The following ATG7 variants were observed in gnomAD, a reference collection of about 807,000 sequenced individuals.
The protein encoded by ATG7 is ubiquitin-like modifier-activating enzyme ATG7.
A neutral mutation model predicts 82.4 loss-of-function variants in ATG7; 70 were observed. The observed-to-expected ratio is 0.85, with a 90% CI of 0.70 to 1.04. The LOEUF is 1.04. ATG7 is among the 50% of genes least tolerant of loss of function. ATG7 has a pLI of 0.00. For synonymous variants in ATG7, 287 were observed against 313.0 expected (o/e 0.92, Z 0.88); for missense variants, 792 against 864.3 (o/e 0.92, Z 1.05).
At chr3:11,515,206 AAGGGAC>A (rs2092231114) in intron 20 of ATG7, among the ~76,000 whole-genome samples, 1 of 152,194 alleles carries the variant, frequency 6.6e-6, no homozygotes, top group Non-Finnish European at 1.5e-5. Context: ...AATTCAAGAA[AAGGGAC>A]ACTATAACAC....
the ATG7 span, among the ~76,000 whole-genome samples, chr3:11,573,365 AAG>A: frequency 1.4e-5 from 2 of 139,456 alleles, no homozygotes; most frequent in South Asian, 2.3e-4. Context: ...GAAAGAAAGA[AAG>A]AAAGAAAGAA....
At chr3:11,490,226 A>G (rs939894773) in intron 20 of ATG7, among the ~76,000 whole-genome samples, 25 of 152,258 alleles carry the variant, frequency 1.6e-4, no homozygotes, top group Admixed American at 6.5e-5. Context: ...CTTTACAATT[A>G]TGTAATGGCC....
chr3:11,372,815 TGCGCGC>T (rs1043529755), intron 18 of ATG7, among the ~76,000 whole-genome samples: 2 of 79,870 alleles, frequency 2.5e-5, no homozygotes, highest in East Asian at 4.8e-4. Flanking sequence ...TGTGTGTGTG[TGCGCGC>T]GTGTGCGTGT....
the ATG7 span, among the ~76,000 whole-genome samples, chr3:11,573,299 GAAAGAAAGGAAGGAAGGAAGAAAGAAAGA>G: frequency 5.9e-5 from 1 of 16,964 alleles, no homozygotes; most frequent in African/African-American, 4.4e-4. Context: ...AAGAAAGAAA[GAAAGAAAGGAAGGAAGGAAGAAAGAAAGA>G]AAGAAAGAAA....
chr3:11,500,700 G>A (rs532450719), intron 20 of ATG7, among the ~76,000 whole-genome samples: 371 of 152,254 alleles, frequency 2.4e-3, no homozygotes, highest in Non-Finnish European at 4.7e-3. Flanking sequence ...CAGGCCGGAC[G>A]TCTCACTGCA....
chr3:11,426,064 G>T (rs184023318), intron 19 of ATG7, among the ~76,000 whole-genome samples: 1 of 140,598 alleles, frequency 7.1e-6, no homozygotes, highest in Non-Finnish European at 1.6e-5. Context: ...CATGAATAGC[G>T]CTGCTGTGGA....
intron 20 of ATG7, among the ~76,000 whole-genome samples, chr3:11,474,763 G>C (rs925126873): frequency 6.6e-6 from 1 of 152,174 alleles, no homozygotes; most frequent in African/African-American, 2.4e-5. Flanking sequence ...GCAAAGAAAG[G>C]AGCCAGACAT....
chr3:11,298,583 T>C, intron 3 of ATG7, 103 bp from the exon 4 acceptor site: 1 of 1,163,686 alleles, frequency 8.6e-7, no homozygotes, highest in Non-Finnish European at 1.2e-6. Flanking sequence ...AAACATCTCA[T>C]TACTTTTTGT....
intron 14 of ATG7, among the ~76,000 whole-genome samples, chr3:11,352,769 C>T (rs1468033924): frequency 2.0e-5 from 3 of 152,108 alleles, no homozygotes; most frequent in South Asian, 2.1e-4. Context: ...AAGAGCAGGA[C>T]CTGGACAAGT....
intron 17 of ATG7, among the ~76,000 whole-genome samples, chr3:11,363,532 G>A (rs1016064888): frequency 3.3e-5 from 5 of 152,196 alleles, no homozygotes; most frequent in East Asian, 1.9e-4. Context: ...GATTACAGGC[G>A]TGAGCCATTG....
In ATG7 at chr3:11,299,043, AAAAG is replaced by A. The variant is rs369709975; in HGVS notation, c.160+194_160+197del. 48 of 692,054 alleles carry A rather than the reference AAAAG, an allele frequency of 6.9e-5. 1 individual carries two copies. In the East Asian group the frequency reaches 9.5e-4, roughly 14 times the overall value. The allele number at this position is 692,054 out of a possible 1,614,324, so 42.9% of individuals were successfully genotyped here. Reference sequence around the variant, plus strand: ...CATTTATTTTCTCTTGTTGTGGGGAAAAAGAAAGAGAGTAGTGAAACTCAAATTA... The same window carrying A: ...CATTTATTTTCTCTTGTTGTGGGGAAAAAGAGAGTAGTGAAACTCAAATTA... On this transcript the variant is annotated intron_variant, in intron 4 of 20. Transcript: ENST00000693202.
rs2072564279 is a variant in ATG7, at chr3:11,557,632, G to GTAAC, written c.*2791_*2794dup. 6.5e-6 allele frequency: 1 copy of GTAAC among 152,750 alleles called. No homozygotes were observed. Among genetic ancestry groups the GTAAC allele is most frequent in the Admixed American group, 6.5e-5 (1 of 15,284 alleles). 9.5% of individuals were successfully genotyped at this position (152,750 alleles called of 1,614,324 possible). On this transcript the variant is annotated 3_prime_UTR_variant, in exon 21 of 21. Coordinates refer to ENST00000693202, the MANE Select transcript of ATG7 (RefSeq NM_001349232.2). ...ACCAGCAGTAAGTATATCTAGGACT[G>GTAAC]TAACTGACAAAAATAAACTAATTCT...
rs536498404 is a variant in ATG7 at position 11,371,716 on chromosome 3, T to C, written c.1875+6982T>C. Among the ~76,000 whole-genome samples, 45 of 151,270 alleles carry C rather than the reference T, an allele frequency of 3.0e-4. 2 individuals are homozygous for C. The highest frequency in any genetic ancestry group is 6.2e-4 in the Non-Finnish European group (42 of 67,782). On this transcript the variant is annotated intron_variant, in intron 18 of 20. Coordinates refer to ENST00000693202, the MANE Select transcript of ATG7 (RefSeq NM_001349232.2). ...TGCTTCTGTCCATGAAAACATGGCT[T>C]CTTGATAGCATCACCTGGGACAAAG...
intron 20 of ATG7, chr3:11,529,837 T>C (rs1333574071): frequency 1.3e-5 from 2 of 152,332 alleles, no homozygotes; most frequent in Admixed American, 1.3e-4. Flanking sequence ...GATGCTGAGA[T>C]GGCTCTGTGC....
intron 7 of ATG7, among the ~76,000 whole-genome samples, chr3:11,311,545 T>C (rs1948668400): frequency 6.7e-6 from 1 of 148,854 alleles, no homozygotes; most frequent in African/African-American, 2.5e-5. Flanking sequence ...GAGGTTGCAG[T>C]GAGCTGAGAT....
chr3:11,535,240 T>C (rs1005270946), intron 20 of ATG7, among the ~76,000 whole-genome samples: 11 of 152,200 alleles, frequency 7.2e-5, no homozygotes, highest in Admixed American at 3.9e-4. Flanking sequence ...CAGGCCAGTC[T>C]TTGCACCCCT....
At chr3:11,567,371 G>A in the ATG7 span, among the ~76,000 whole-genome samples, 4 of 152,178 alleles carry the variant, frequency 2.6e-5, no homozygotes, top group Admixed American at 1.3e-4. Flanking sequence ...CCCAGTATTC[G>A]TTTATGGGGT....
chr3:11,567,251 CACAA>C, the ATG7 span, among the ~76,000 whole-genome samples: 1 of 152,144 alleles, frequency 6.6e-6, no homozygotes, highest in African/African-American at 2.4e-5. Flanking sequence ...ACAAACAGCA[CACAA>C]ACAAAAACAA....
chr3:11,549,736 T>C lies in ATG7; in HGVS notation c.2080-5075T>C, dbSNP rs576188730. Among the ~76,000 whole-genome samples the C allele has an allele frequency of 6.5e-4, 99 of 152,324 alleles. 1 individual carries two copies. The highest frequency in any genetic ancestry group is 2.3e-3 in the African/African-American group (97 of 41,562). On this transcript the variant is annotated intron_variant, in intron 20 of 20. Coordinates refer to ENST00000693202, the MANE Select transcript of ATG7 (RefSeq NM_001349232.2). The stretch of plus-strand genomic sequence containing the variant: ...GTTTTTCTGTGGACATGTGTTTTCG[T>C]TTCTTTGGAGTAAACAGGAGTGGAA...
Sources: allele counts gnomAD v4.1 joint callset (sites outside exome capture counted in the v4.1 genomes callset), GRCh38; gene constraint gnomAD v4.1.1; transcripts MANE v1.5; gene names NCBI Gene and HGNC (gene_info 2026-07-23, HGNC 2026-07-21).